Variants in ECT2 observed in about 807,000 individuals in gnomAD.
The protein encoded by ECT2 is epithelial cell transforming 2.
ECT2 carries 61 observed loss-of-function variants against 116.9 expected under a neutral mutation model. The observed-to-expected ratio is 0.52, with a 90% CI of 0.42 to 0.65. ECT2 has a LOEUF of 0.65. Among genes scored for constraint, ECT2 ranks in the 30% least tolerant of loss-of-function variants. The probability of loss-of-function intolerance (pLI) is 0.00; values close to 1 mark genes in which losing one functional copy is unlikely to be tolerated. For synonymous variants in ECT2, 358 were observed against 346.4 expected (o/e 1.03, Z -0.37); for missense variants, 937 against 1,078.7 (o/e 0.87, Z 1.84).
rs972402958 is a variant in ECT2, at chr3:172,755,300, A to T, written c.136A>T (p.Met46Leu). ...AACATTTTACATTTTAACAGAAGAG[A>T]TGCCTCAGATTGAAACAAGAGTGAT... Reference protein sequence around the residue: ...IGSTSYVEEEMPQIETRVILV... With the variant: ...IGSTSYVEEELPQIETRVILV... Residue 46 changes from methionine (M) to leucine (L), a missense_variant, in exon 3 of 25, where the codon ATG becomes TTG. By Grantham distance (15) the Met-to-Leu change is conservative. Coordinates refer to ENST00000392692, the MANE Select transcript of ECT2 (RefSeq NM_001258315.2). The T allele has an allele frequency of 1.1e-5, 17 of 1,600,416 alleles. No individual in the cohort carries two copies. Among genetic ancestry groups the T allele is most frequent in the Admixed American group, 1.8e-5 (1 of 55,828 alleles).
rs1486299267 is a variant in ECT2, at chr3:172,814,856, A to C, written c.2401-748A>C. On this transcript the variant is annotated intron_variant, in intron 22 of 24. Coordinates refer to ENST00000392692, the MANE Select transcript of ECT2 (RefSeq NM_001258315.2). ...TTTGAAATATACAATGCAATAATGT[A>C]TTGTCAACTATAGTCACCACTGTGC... 2.6e-5 allele frequency among the ~76,000 whole-genome samples: 4 copies of C among 152,166 alleles called. No homozygotes were observed. In the South Asian group the frequency reaches 8.3e-4, roughly 31 times the overall value.
rs368770183 is a variant in ECT2, at chr3:172,788,365, A to G, written c.1907+1791A>G. 3.9e-5 allele frequency among the ~76,000 whole-genome samples: 6 copies of G among 152,352 alleles called. No individual in the cohort carries two copies. The South Asian group carries it at 1.2e-3, about 32-fold the overall frequency. ...TGTTATAGATATGTTTTTAGTTCAA[A>G]TATGGCTTTTTTCTTAAACTACACA... On this transcript the variant is annotated intron_variant, in intron 18 of 24. Transcript: ENST00000392692.
chr3:172,829,019 G>A, the ECT2 span: 34 of 880,814 alleles, frequency 3.9e-5, 1 homozygote, highest in South Asian at 4.5e-4. Context: ...TGGAACTCCT[G>A]TCTGGCCACC....
In ECT2 at chr3:172,759,044, C is replaced by T; in HGVS notation, c.551C>T (p.Thr184Ile). The T allele has an allele frequency of 6.2e-7, 1 of 1,604,972 alleles. No homozygotes were observed. Among genetic ancestry groups the T allele is most frequent in the Non-Finnish European group, 8.5e-7 (1 of 1,177,102 alleles). Residue 184 changes from threonine to isoleucine, a missense_variant, in exon 6 of 25, where the codon ACT (threonine) becomes ATT (isoleucine). By Grantham distance (89) the Thr-to-Ile change is moderately conservative. Coordinates refer to ENST00000392692, the MANE Select transcript of ECT2 (RefSeq NM_001258315.2). ...TSMMNLVLCF[T>I]GFRKKEELVR... ...ATGATGAATCTAGTACTATGCTTTA[C>T]TGGATTTAGGAAAAAAGAAGAACTA...
chr3:172,798,837 T>C (rs1384166548), intron 18 of ECT2, among the ~76,000 whole-genome samples: 2 of 152,150 alleles, frequency 1.3e-5, no homozygotes, highest in Admixed American at 6.5e-5. Flanking sequence ...ATTGAAAACA[T>C]TGGTTATATT....
At position 172,762,531 on chromosome 3, in the gene ECT2, A is replaced by G. The variant is rs1462703912; in HGVS notation, c.874A>G (p.Met292Val). 8 of 1,592,378 alleles carry G rather than the reference A, an allele frequency of 5.0e-6. No individual in the cohort carries two copies. Among genetic ancestry groups the G allele is most frequent in the Non-Finnish European group, 6.0e-6 (7 of 1,174,968 alleles). ...TGAAGAGAAAACCAATATGGAAGAA[A>G]TGACTGAAATGCAAGGTAAAATTTA... ...SDEEKTNMEE[M>V]TEMQGGKYLP... The change falls in exon 9 of 25, where the codon ATG (methionine) becomes GTG (valine). Residue 292 changes from methionine (M) to valine (V), a missense_variant. Met to Val is a conservative substitution (Grantham distance 21). Coordinates refer to ENST00000392692, the MANE Select transcript of ECT2 (RefSeq NM_001258315.2).
chr3:172,755,269 C>CAT (rs3830583), intron 2 of ECT2, 26 bp from the exon 3 acceptor site: 83,125 of 1,565,012 alleles, frequency 0.053, 4,775 homozygotes, highest in African/African-American at 0.27. Context: ...ACATGATAAA[C>CAT]ATTGAAACAT....
At chr3:172,809,583 A>G (rs1303385885) in intron 22 of ECT2, among the ~76,000 whole-genome samples, 2 of 150,732 alleles carry the variant, frequency 1.3e-5, no homozygotes, top group East Asian at 1.9e-4. Flanking sequence ...ACACACACAC[A>G]CACACACACA....
At chr3:172,815,778 A>G (rs1729589944) in intron 23 of ECT2, 67 bp downstream of exon 23, 2 of 1,029,062 alleles carry the variant, frequency 1.9e-6, no homozygotes, top group Non-Finnish European at 3.0e-6. Flanking sequence ...TTCAAATAAT[A>G]TTGCTGCAAA....
At chr3:172,795,324 A>C (rs4411912) in intron 18 of ECT2, among the ~76,000 whole-genome samples, 24 of 48,948 alleles carry the variant, frequency 4.9e-4, no homozygotes, top group African/African-American at 2.8e-3. Context: ...AGACGCTATC[A>C]AAAAAAAAAA....
rs558491467 is a variant in ECT2, at chr3:172,769,540, G to A, written c.1428+397G>A. On this transcript the variant is annotated intron_variant, in intron 13 of 24. Coordinates refer to ENST00000392692, the MANE Select transcript of ECT2 (RefSeq NM_001258315.2). ...GTACTGTATATATGTGAAAAACATC[G>A]CCTATACAATAGCAATGAAGCATAA... Among the ~76,000 whole-genome samples, 127 of 152,146 alleles carry A rather than the reference G, an allele frequency of 8.3e-4. 4 individuals carry two copies. The South Asian group carries it at 0.012, about 15-fold the overall frequency.
chr3:172,817,595 A>T (rs1211540751), intron 24 of ECT2, among the ~76,000 whole-genome samples: 1 of 152,108 alleles, frequency 6.6e-6, no homozygotes, highest in East Asian at 1.9e-4. Context: ...TTCTAAATTC[A>T]TGTATATTGT....
At chr3:172,828,615 C>CTT in the ECT2 span, 37 of 154,488 alleles carry the variant, frequency 2.4e-4, no homozygotes, top group African/African-American at 9.0e-4. Context: ...AAACTGGTAT[C>CTT]TTTTTTTTTT....
intron 18 of ECT2, 108 bp from the exon 19 acceptor site, chr3:172,802,508 C>T: frequency 1.5e-6 from 1 of 656,138 alleles, no homozygotes; most frequent in Non-Finnish European, 2.5e-6. Context: ...TTAACTGATT[C>T]ACTTATCAAA....
chr3:172,781,106 T>C (rs1056748347), intron 14 of ECT2, among the ~76,000 whole-genome samples: 12 of 152,332 alleles, frequency 7.9e-5, no homozygotes, highest in African/African-American at 2.9e-4. Context: ...TAAGTTCATC[T>C]TTTTGCATGT....
At chr3:172,784,620 C>T (rs1009911863) in intron 16 of ECT2, 87 bp from the exon 17 acceptor site, 5 of 908,022 alleles carry the variant, frequency 5.5e-6, no homozygotes, top group Admixed American at 1.8e-5. Context: ...ATCACAGACA[C>T]TAATGATAAG....
chr3:172,815,543 G>C, intron 22 of ECT2, 61 bp from the exon 23 acceptor site: 3 of 1,086,630 alleles, frequency 2.8e-6, no homozygotes, highest in Non-Finnish European at 2.7e-6. Flanking sequence ...ATGCTTAAAA[G>C]TTTGATTTTT....
At chr3:172,786,024 GAACAC>G (rs1310379845) in intron 17 of ECT2, among the ~76,000 whole-genome samples, 1 of 152,128 alleles carries the variant, frequency 6.6e-6, no homozygotes, top group Non-Finnish European at 1.5e-5. Flanking sequence ...ATGGCATAGG[GAACAC>G]AAATAACCTG....
Position 172,783,813 on chromosome 3 carries a change from A to G in ECT2, c.1632A>G (p.Val544=), listed in dbSNP as rs1247238350. 3.7e-6 allele frequency: 6 copies of G among 1,600,024 alleles called. No individual in the cohort carries two copies. Among genetic ancestry groups the G allele is most frequent in the Non-Finnish European group, 5.1e-6 (6 of 1,172,042 alleles). The change falls in exon 16 of 25, where the codon GTA becomes GTG. Residue 544 remains valine, a synonymous_variant. Coordinates refer to ENST00000392692, the MANE Select transcript of ECT2 (RefSeq NM_001258315.2). ...DIFLKYSKDL[V]KTYPPFVNFF... is the part of the protein sequence containing the mutation. ...TTTCTTCCTAGTCAAAAGATTTGGT[A>G]AAAACCTACCCTCCCTTTGTAAACT...
Sources: gnomAD v4.1 joint callset for allele counts (sites outside exome capture counted in the v4.1 genomes callset) on GRCh38, gnomAD v4.1.1 for gene constraint, MANE v1.5 for transcripts, NCBI Gene and HGNC (gene_info 2026-07-23, HGNC 2026-07-21) for gene names.